IL1RAP: variants seen among roughly 807,000 people sequenced by gnomAD.
IL1RAP encodes interleukin-1 receptor accessory protein.
IL1RAP carries 35 observed loss-of-function variants against 60.7 expected under a neutral mutation model. The observed-to-expected ratio is 0.58, with a 90% CI of 0.44 to 0.76. The LOEUF (loss-of-function observed/expected upper bound fraction) is 0.76. Among genes scored for constraint, IL1RAP ranks in the 30% least tolerant of loss-of-function variants. The probability of loss-of-function intolerance (pLI) is 0.00; values close to 1 mark genes in which losing one functional copy is unlikely to be tolerated. For missense variants in IL1RAP, 572 were observed against 693.9 expected (o/e 0.82, Z 1.97); for synonymous variants, 268 against 250.9 (o/e 1.07, Z -0.64).
intron 1 of IL1RAP, among the ~76,000 whole-genome samples, chr3:190,518,227 T>C (rs565655446): frequency 2.0e-5 from 3 of 152,248 alleles, no homozygotes; most frequent in East Asian, 3.9e-4. Flanking sequence ...AGGCAAGTTA[T>C]TCTATAGAGA....
chr3:190,587,378 T>C (rs1231590268), intron 3 of IL1RAP, among the ~76,000 whole-genome samples: 1 of 152,214 alleles, frequency 6.6e-6, no homozygotes, highest in Non-Finnish European at 1.5e-5. Context: ...GTGAAAATGA[T>C]AATAAATGTA....
In IL1RAP at chr3:190,622,510, G is replaced by A. The variant is rs370964678; in HGVS notation, c.704-834G>A. ...TTCCAGTCACAAGCAATAGGTTCCCGCGTTACCCACAACTCTGCCTGAGTT... is the reference window on the plus strand; with the variant it reads ...TTCCAGTCACAAGCAATAGGTTCCCACGTTACCCACAACTCTGCCTGAGTT... On this transcript the variant is annotated intron_variant, in intron 6 of 11. Transcript: ENST00000447382. Among the ~76,000 whole-genome samples, 113 of 152,158 alleles carry A rather than the reference G, an allele frequency of 7.4e-4. 1 individual carries two copies. In the South Asian group the frequency reaches 0.021, roughly 28 times the overall value.
intron 1 of IL1RAP, among the ~76,000 whole-genome samples, chr3:190,534,273 A>AT (rs11402455): frequency 0.24 from 35,706 of 146,716 alleles, 6,471 homozygotes; most frequent in African/African-American, 0.53. Context: ...AGCCCACTTC[A>AT]TTTTTTTTTT....
intron 3 of IL1RAP, among the ~76,000 whole-genome samples, chr3:190,587,078 G>GTTA (rs1343920793): frequency 1.3e-5 from 2 of 152,166 alleles, no homozygotes; most frequent in African/African-American, 2.4e-5. Context: ...TACTCTTGAA[G>GTTA]TTAGCATGGA....
chr3:190,527,330 A>G (rs1266754473), intron 1 of IL1RAP, among the ~76,000 whole-genome samples: 2 of 152,238 alleles, frequency 1.3e-5, no homozygotes, highest in Admixed American at 6.5e-5. Flanking sequence ...TCGTAAACCA[A>G]ATTTACAACT....
intron 9 of IL1RAP, among the ~76,000 whole-genome samples, chr3:190,634,707 G>GTTTTTTTTTTTTTTTTTTTTTTTTTT (rs1167445179): frequency 3.0e-5 from 4 of 134,710 alleles, no homozygotes; most frequent in Admixed American, 7.6e-5. Context: ...GGCCTGTTGT[G>GTTTTTTTTTTTTTTTTTTTTTTTTTT]TTTTTTTTTT....
At chr3:190,591,309 A>G (rs1260943913) in intron 3 of IL1RAP, among the ~76,000 whole-genome samples, 1 of 152,232 alleles carries the variant, frequency 6.6e-6, no homozygotes, top group Non-Finnish European at 1.5e-5. Context: ...TCACGTGGAT[A>G]GGAAGTGGCA....
At position 190,648,822 on chromosome 3, in the gene IL1RAP, T is replaced by C. The variant is rs774486620; in HGVS notation, c.*117T>C. On this transcript the variant is annotated 3_prime_UTR_variant, in exon 12 of 12. Coordinates refer to ENST00000447382, the MANE Select transcript of IL1RAP (RefSeq NM_002182.4). Reference sequence around the variant, plus strand: ...AAAAATAATGGTCTAAGCCTCCCAATAGGGATAAATTTAGGGTGACTGTGT... The same window carrying C: ...AAAAATAATGGTCTAAGCCTCCCAACAGGGATAAATTTAGGGTGACTGTGT... 9.6e-5 allele frequency: 139 copies of C among 1,451,922 alleles called. No homozygotes were observed. The highest frequency in any genetic ancestry group is 1.2e-4 in the Non-Finnish European group (137 of 1,102,806). The allele number at this position is 1,451,922 out of a possible 1,614,324, so 89.9% of individuals were successfully genotyped here.
intron 9 of IL1RAP, among the ~76,000 whole-genome samples, chr3:190,638,995 T>C (rs1240928884): frequency 6.6e-6 from 1 of 152,148 alleles, no homozygotes; most frequent in Non-Finnish European, 1.5e-5. Flanking sequence ...TGTTCTTGTT[T>C]ATTTTTGTGC....
chr3:190,558,307 A>G (rs566856875), intron 2 of IL1RAP, among the ~76,000 whole-genome samples: 5 of 152,258 alleles, frequency 3.3e-5, no homozygotes, highest in Admixed American at 6.5e-5. Context: ...AATATCCAAG[A>G]GTGAGATTAC....
Position 190,564,354 on chromosome 3 carries a change from G to A in IL1RAP, c.64+1G>A. 6.2e-7 allele frequency: 1 copy of A among 1,602,204 alleles called. No homozygotes were observed. The highest frequency in any genetic ancestry group is 8.6e-7 in the Non-Finnish European group (1 of 1,169,320). On this transcript the variant is annotated splice_donor_variant, in intron 3 of 11. Transcript: ENST00000447382. LOFTEE classifies it high-confidence loss of function. ...GGAATCCTGCAAAGTGATGCCTCAG[G>A]TAAGTGAATGGCTTTTGACAATGTA...
chr3:190,649,462 T>C lies in IL1RAP; in HGVS notation c.*757T>C, dbSNP rs1734260621. The stretch of plus-strand genomic sequence containing the variant: ...CTATCTGCTTATATCGCATTGCTCA[T>C]TTAGAGTTTGCAGGAGGCTCCATAC... On this transcript the variant is annotated 3_prime_UTR_variant, in exon 12 of 12. Transcript: ENST00000447382. The C allele has an allele frequency of 3.0e-6, 3 of 985,654 alleles. No homozygotes were observed. Among genetic ancestry groups the C allele is most frequent in the Non-Finnish European group, 3.6e-6 (3 of 829,748 alleles). 61.1% of individuals were successfully genotyped at this position (985,654 alleles called of 1,614,324 possible).
At chr3:190,640,223 G>A (rs1357379972) in intron 9 of IL1RAP, among the ~76,000 whole-genome samples, 1 of 152,050 alleles carries the variant, frequency 6.6e-6, no homozygotes, top group African/African-American at 2.4e-5. Flanking sequence ...GCCTTTAATC[G>A]AAAAGCCAGA....
At chr3:190,601,393 T>C (rs1729847465) in intron 3 of IL1RAP, among the ~76,000 whole-genome samples, 1 of 152,214 alleles carries the variant, frequency 6.6e-6, no homozygotes, top group South Asian at 2.1e-4. Context: ...CAAGTGTGCA[T>C]TGATGTGAAC....
chr3:190,553,289 T>C (rs1446967871), intron 1 of IL1RAP, among the ~76,000 whole-genome samples: 1 of 152,210 alleles, frequency 6.6e-6, no homozygotes, highest in East Asian at 1.9e-4. Context: ...TTTTTCATAA[T>C]TAAAACTTTA....
intron 3 of IL1RAP, among the ~76,000 whole-genome samples, chr3:190,582,769 T>C (rs1728118719): frequency 1.3e-5 from 2 of 152,192 alleles, no homozygotes; most frequent in African/African-American, 2.4e-5. Context: ...CTGGAATATG[T>C]CCCATTATTC....
intron 11 of IL1RAP, 97 bp from the exon 12 acceptor site, chr3:190,648,241 G>T: frequency 2.0e-6 from 3 of 1,474,866 alleles, no homozygotes; most frequent in Non-Finnish European, 2.7e-6. Flanking sequence ...CAATTCTTAG[G>T]CTGGTACCCT....
At chr3:190,542,250 G>T (rs180872170) in intron 1 of IL1RAP, among the ~76,000 whole-genome samples, 26 of 152,234 alleles carry the variant, frequency 1.7e-4, no homozygotes, top group Admixed American at 1.3e-3. Flanking sequence ...AAACTGTCGT[G>T]GATATGAAGG....
chr3:190,657,619 A>C (rs976887952), exon 12 of IL1RAP: 7 of 152,232 alleles, frequency 4.6e-5, no homozygotes, highest in Non-Finnish European at 1.0e-4. Context: ...TCTAGAACTG[A>C]TGTGAATAGG....
Sources: gnomAD v4.1 joint callset for allele counts (sites outside exome capture counted in the v4.1 genomes callset) on GRCh38, gnomAD v4.1.1 for gene constraint, MANE v1.5 for transcripts, NCBI Gene and HGNC (gene_info 2026-07-23, HGNC 2026-07-21) for gene names.